The following FAM76B variants were observed in gnomAD, a reference collection of about 807,000 sequenced individuals.
FAM76B encodes the protein family with sequence similarity 76 member B.
In FAM76B, 16 loss-of-function variants were observed where a neutral mutation model predicts 51.8. That is an observed-to-expected ratio of 0.31 (90% CI 0.21 to 0.47). The LOEUF is 0.47. Ranked by LOEUF, FAM76B falls within the 20% of genes least tolerant of loss-of-function variation. The pLI, the probability that FAM76B is intolerant of heterozygous loss-of-function variation, is 1.00. For missense variants in FAM76B, 342 were observed against 392.6 expected, an observed-to-expected ratio of 0.87 and a Z score of 1.09; for synonymous variants, 166 against 129.5, an observed-to-expected ratio of 1.28 and a Z score of -1.91.
intron 7 of FAM76B, 115 bp from the exon 8 acceptor site, chr11:95,779,072 A>G (rs1860137986): frequency 6.3e-7 from 1 of 1,591,124 alleles, no homozygotes. Flanking sequence ...GCAAAAAAAT[A>G]TGTACCTGAC....
At chr11:95,775,397 C>T (rs2120199400) in intron 9 of FAM76B, among the ~76,000 whole-genome samples, 1 of 151,526 alleles carries the variant, frequency 6.6e-6, no homozygotes, top group South Asian at 2.1e-4. Flanking sequence ...AGGTGGATCA[C>T]TACCTGTTAG....
chr11:95,780,633 G>A (rs1020008932), intron 5 of FAM76B, among the ~76,000 whole-genome samples: 2 of 151,736 alleles, frequency 1.3e-5, no homozygotes, highest in African/African-American at 4.8e-5. Context: ...ATCAGTCAAT[G>A]CTTCACTAAC....
At chr11:95,779,530 T>A in intron 7 of FAM76B, 77 bp downstream of exon 7, 25 of 1,181,228 alleles carry the variant, frequency 2.1e-5, no homozygotes, top group Non-Finnish European at 3.0e-5. Context: ...TATTTTTTTA[T>A]CTAGTAATAA....
chr11:95,771,530 T>A lies in FAM76B; in HGVS notation c.*31A>T, dbSNP rs1565282194. On this transcript the variant is annotated 3_prime_UTR_variant, in exon 10 of 10. Coordinates refer to ENST00000358780, the MANE Select transcript of FAM76B (RefSeq NM_144664.5). ...GAATTTTTTTTCCCCAAATTTACATTGTAAGAAGAAATGCTAAACAAATGA... is the reference window on the plus strand; with the variant it reads ...GAATTTTTTTTCCCCAAATTTACATAGTAAGAAGAAATGCTAAACAAATGA... 1 of 1,568,450 alleles carries A rather than the reference T, an allele frequency of 6.4e-7. No homozygotes were observed.
At chr11:95,775,522 C>A (rs971142532) in intron 9 of FAM76B, among the ~76,000 whole-genome samples, 2 of 151,476 alleles carry the variant, frequency 1.3e-5, no homozygotes, top group African/African-American at 4.8e-5. Context: ...GTTTTATACA[C>A]CCATCTCCTT....
intron 5 of FAM76B, among the ~76,000 whole-genome samples, chr11:95,781,795 T>C (rs139886860): frequency 4.9e-4 from 75 of 152,242 alleles, no homozygotes; most frequent in African/African-American, 1.7e-3. Context: ...AGACACTGCA[T>C]TGTAGTCTAC....
rs1859731832 is a variant in FAM76B at position 95,770,779 on chromosome 11, C to CCA, written c.*781_*782insTG. On this transcript the variant is annotated 3_prime_UTR_variant, in exon 10 of 10. Transcript: ENST00000358780. ...TTTCCTTTTGAAATAGGCTTCTGTA[C>CCA]ATATGCATTTATATACAAACATTTA... The CCA allele has an allele frequency of 6.6e-6, 1 of 151,674 alleles. No individual in the cohort carries two copies. Among genetic ancestry groups the CCA allele is most frequent in the Non-Finnish European group, 1.5e-5 (1 of 67,434 alleles). 9.4% of individuals were successfully genotyped at this position (151,674 alleles called of 1,614,324 possible).
In FAM76B at chr11:95,770,497, A is replaced by G. The variant is rs1859720147; in HGVS notation, c.*1064T>C. On this transcript the variant is annotated 3_prime_UTR_variant, in exon 10 of 10. Transcript: ENST00000358780. ...TTGCAGAAACATTAAAATTTTTAAA[A>G]AATTTTATAAAATATAAAGCAAAAC... is the stretch of plus-strand genomic sequence containing the variant. The G allele has an allele frequency of 1.3e-5, 2 of 151,830 alleles. No homozygotes were observed. The highest frequency in any genetic ancestry group is 4.1e-4 in the South Asian group (2 of 4,828). 9.4% of individuals were successfully genotyped at this position (151,830 alleles called of 1,614,324 possible).
At chr11:95,789,290 C>A in intron 1 of FAM76B, 102 bp downstream of exon 1, 1 of 1,332,204 alleles carries the variant, frequency 7.5e-7, no homozygotes, top group Non-Finnish European at 1.0e-6. Context: ...CTCCCAAACC[C>A]CTGAGGCGCC....
Position 95,771,659 on chromosome 11 carries a change from G to A in FAM76B, c.931-9C>T, listed in dbSNP as rs1476018784. The stretch of plus-strand genomic sequence containing the variant: ...AGTTCTCTGTTTTTGGCCTGTGGGA[G>A]ACAAAAACATTCAAGATTAAAAATG... On this transcript the variant is annotated splice_polypyrimidine_tract_variant and intron_variant, in intron 9 of 9. Transcript: ENST00000358780. The A allele has an allele frequency of 1.9e-6, 3 of 1,595,948 alleles. No individual in the cohort carries two copies. The highest frequency in any genetic ancestry group is 2.6e-6 in the Non-Finnish European group (3 of 1,167,634).
intron 5 of FAM76B, among the ~76,000 whole-genome samples, chr11:95,780,237 CACTGTACTTTG>C (rs1288436664): frequency 3.3e-5 from 5 of 151,884 alleles, no homozygotes; most frequent in African/African-American, 1.2e-4. Context: ...GTCTAGGTAT[CACTGTACTTTG>C]GCTGCCCTTA....
intron 4 of FAM76B, among the ~76,000 whole-genome samples, chr11:95,783,682 C>T (rs529844057): frequency 1.3e-5 from 2 of 152,258 alleles, no homozygotes; most frequent in South Asian, 2.1e-4. Context: ...ATCTAAATGA[C>T]ACACAGAGTT....
Position 95,778,883 on chromosome 11 carries a change from A to T in FAM76B, c.767T>A (p.Val256Glu). The T allele has an allele frequency of 1.9e-6, 3 of 1,610,944 alleles. No homozygotes were observed. The highest frequency in any genetic ancestry group is 2.5e-6 in the Non-Finnish European group (3 of 1,178,012). The change falls in exon 8 of 10, where the codon GTG (valine) becomes GAG (glutamate). Residue 256 changes from valine (V) to glutamate (E), a missense_variant. Coordinates refer to ENST00000358780, the MANE Select transcript of FAM76B (RefSeq NM_144664.5). ...CTGTAAGAGACGCTTAAGTGACATC[A>T]CTTCTTCTTTCAATTGACTTATAAG... ...FVLISQLKEE[V>E]MSLKRLLQQR...
At chr11:95,776,596 C>T (rs1237303174) in intron 8 of FAM76B, among the ~76,000 whole-genome samples, 1 of 150,940 alleles carries the variant, frequency 6.6e-6, no homozygotes, top group African/African-American at 2.4e-5. Flanking sequence ...ACAACTAACA[C>T]AGAATGAGAA....
Position 95,769,930 on chromosome 11 carries a change from G to A in FAM76B, c.*1631C>T, listed in dbSNP as rs777999338. ...CACTTTATAATGAACTATGAGAACA[G>A]TCTATTGAAACACGTCATGTTAAAA... On this transcript the variant is annotated 3_prime_UTR_variant, in exon 10 of 10. Transcript: ENST00000358780. The A allele has an allele frequency of 9.9e-5, 15 of 151,408 alleles. No homozygotes were observed. Among genetic ancestry groups the A allele is most frequent in the Non-Finnish European group, 1.9e-4 (13 of 67,568 alleles). The allele number at this position is 151,408 out of a possible 1,614,324, so 9.4% of individuals were successfully genotyped here.
At chr11:95,776,046 T>C (rs1395475290) in intron 8 of FAM76B, 23 bp from the exon 9 acceptor site, 18 of 1,435,930 alleles carry the variant, frequency 1.3e-5, no homozygotes, top group Non-Finnish European at 1.7e-5. Context: ...AGAAAAAATA[T>C]ATGTATATAT....
In FAM76B at chr11:95,779,464, C is replaced by A. The variant is rs1017923803; in HGVS notation, c.692+143G>T. 5.4e-6 allele frequency: 4 copies of A among 735,532 alleles called. No homozygotes were observed. The African/African-American group carries it at 7.4e-5, about 14-fold the overall frequency. The allele number at this position is 735,532 out of a possible 1,614,324, so 45.6% of individuals were successfully genotyped here. Reference sequence around the variant, plus strand: ...CCAAAATTAAGCTAAAAATTTTAAACTAATTTATGTTTATTCTTCTAGGTG... The same window carrying A: ...CCAAAATTAAGCTAAAAATTTTAAAATAATTTATGTTTATTCTTCTAGGTG... On this transcript the variant is annotated intron_variant, in intron 7 of 9. Coordinates refer to ENST00000358780, the MANE Select transcript of FAM76B (RefSeq NM_144664.5).
chr11:95,775,784 A>AT (rs1859977025), intron 9 of FAM76B, 138 bp downstream of exon 9: 1 of 462,736 alleles, frequency 2.2e-6, no homozygotes, highest in African/African-American at 2.0e-5. Context: ...ATTAAAAATG[A>AT]TTATAAAGTC....
rs757130497 is a variant in FAM76B at position 95,779,891 on chromosome 11, A to G, written c.599T>C (p.Leu200Pro). 4 of 1,605,740 alleles carry G rather than the reference A, an allele frequency of 2.5e-6. No individual in the cohort carries two copies. The highest frequency in any genetic ancestry group is 2.5e-6 in the Non-Finnish European group (3 of 1,176,590). The change falls in exon 6 of 10, where the codon CTG becomes CCG. Residue 200 changes from leucine (L) to proline (P), a missense_variant. Leu to Pro is a moderately conservative substitution (Grantham distance 98). Coordinates refer to ENST00000358780, the MANE Select transcript of FAM76B (RefSeq NM_144664.5). ...SNLSPEEEQG[L>P]WKQSHKSSAT... ...GCAATGTATTTACCTCTGTTTCCAC[A>G]GTCCCTGCTCTTCTTCTGGACTTAG...
Sources: allele counts gnomAD v4.1 joint callset (sites outside exome capture counted in the v4.1 genomes callset), GRCh38; gene constraint gnomAD v4.1.1; transcripts MANE v1.5; gene names NCBI Gene and HGNC (gene_info 2026-07-23, HGNC 2026-07-21).